NEDD9: variants seen among roughly 807,000 people sequenced by gnomAD.
NEDD9 encodes neural precursor cell expressed, developmentally down-regulated 9, also known as enhancer of filamentation 1.
A neutral mutation model predicts 76.6 loss-of-function variants in NEDD9; 26 were observed. The ratio of observed to expected loss-of-function variants is 0.34; its 90% confidence interval spans 0.25 to 0.47. NEDD9 has a LOEUF of 0.47. NEDD9 is among the 20% of genes least tolerant of loss of function. The pLI is 1.00. For synonymous variants in NEDD9, 392 were observed against 414.2 expected (o/e 0.95, Z 0.65); for missense variants, 937 against 1,058.5 (o/e 0.89, Z 1.59).
intron 1 of NEDD9, among the ~76,000 whole-genome samples, chr6:11,232,164 A>G (rs912426817): frequency 2.6e-5 from 4 of 152,288 alleles, no homozygotes; most frequent in East Asian, 3.9e-4. Context: ...GGGGAAGCCA[A>G]GGAGACTTGA....
chr6:11,319,014 G>A (rs1381508706), intron 2 of NEDD9, among the ~76,000 whole-genome samples: 2 of 152,214 alleles, frequency 1.3e-5, no homozygotes, highest in Admixed American at 6.5e-5. Context: ...GATTTATTGG[G>A]CCTTAGAGTT....
chr6:11,321,905 C>G (rs928216403), intron 2 of NEDD9, among the ~76,000 whole-genome samples: 7 of 152,114 alleles, frequency 4.6e-5, no homozygotes, highest in Non-Finnish European at 1.0e-4. Flanking sequence ...TCAAATGAAG[C>G]TGATGCAAGT....
At chr6:11,236,708 T>G (rs1759611128), upstream of NEDD9, among the ~76,000 whole-genome samples, 1 of 152,182 alleles carries the variant, frequency 6.6e-6, no homozygotes, top group Admixed American at 6.5e-5. The surrounding 1 kb of genome is among the most constrained non-coding windows in gnomAD (Gnocchi z 5.5). Context: ...AATGATTTCT[T>G]TTTAGTTTCT....
chr6:11,233,729 C>T (rs940052168), upstream of NEDD9, among the ~76,000 whole-genome samples: 14 of 152,204 alleles, frequency 9.2e-5, no homozygotes, highest in Admixed American at 8.5e-4. Context: ...CAGAAATGGT[C>T]ACCTTCTGCA....
intron 1 of NEDD9, among the ~76,000 whole-genome samples, chr6:11,369,464 A>T (rs148945196): frequency 2.0e-5 from 3 of 152,208 alleles, no homozygotes; most frequent in Non-Finnish European, 4.4e-5. Context: ...CATTTCTCCA[A>T]CCATTGCTCC....
intron 1 of NEDD9, among the ~76,000 whole-genome samples, chr6:11,358,269 A>G (rs1278772397): frequency 6.6e-6 from 1 of 150,758 alleles, no homozygotes; most frequent in East Asian, 1.9e-4. Flanking sequence ...AAAAAAAAAA[A>G]AAAAGCAATG....
At chr6:11,356,002 T>C (rs1365778836) in intron 1 of NEDD9, among the ~76,000 whole-genome samples, 1 of 152,196 alleles carries the variant, frequency 6.6e-6, no homozygotes, top group Non-Finnish European at 1.5e-5. Flanking sequence ...ATTGCAGGCG[T>C]GAGCCACCAT....
intron 2 of NEDD9, among the ~76,000 whole-genome samples, chr6:11,332,058 A>G (rs74661754): frequency 6.6e-6 from 1 of 152,236 alleles, no homozygotes; most frequent in Non-Finnish European, 1.5e-5. Context: ...CATGTCTTTC[A>G]TGAGCATTTA....
Position 11,370,081 on chromosome 6 carries a change from G to A in NEDD9, c.-214+12058C>T, listed in dbSNP as rs1762834559. Among the ~76,000 whole-genome samples, 1 of 152,180 alleles carries A rather than the reference G, an allele frequency of 6.6e-6. No individual in the cohort carries two copies. The highest frequency in any genetic ancestry group is 2.4e-5 in the African/African-American group (1 of 41,446). ...CTGGGTATTCAGGGAATATCATTAG[G>A]GATGTCAACTGAGGTATATAAAGAG... is the stretch of plus-strand genomic sequence containing the variant. On this transcript the variant is annotated intron_variant, in intron 1 of 3. Transcript: ENST00000397378. The surrounding 1 kb of genome is among the most constrained non-coding windows in gnomAD (Gnocchi z 4.2).
At position 11,185,098 on chromosome 6, in the gene NEDD9, C is replaced by A; in HGVS notation, c.*64G>T. On this transcript the variant is annotated 3_prime_UTR_variant, in exon 7 of 7. Coordinates refer to ENST00000379446, the MANE Select transcript of NEDD9 (RefSeq NM_006403.4). Reference sequence around the variant, plus strand: ...AAAAATAGATAACATTTACAAAAACCAGACAGTATTTCCAGTTTTCCTTAG... The same window carrying A: ...AAAAATAGATAACATTTACAAAAACAAGACAGTATTTCCAGTTTTCCTTAG... 6.7e-7 allele frequency: 1 copy of A among 1,488,030 alleles called. No homozygotes were observed. The highest frequency in any genetic ancestry group is 9.0e-7 in the Non-Finnish European group (1 of 1,108,602). 92.2% of individuals were successfully genotyped at this position (1,488,030 alleles called of 1,614,324 possible).
intron 1 of NEDD9, among the ~76,000 whole-genome samples, chr6:11,368,903 C>A (rs964772281): frequency 2.0e-5 from 3 of 152,164 alleles, no homozygotes; most frequent in Admixed American, 2.0e-4. Flanking sequence ...GTGTCAGATA[C>A]CACTTTAGGT....
intron 3 of NEDD9, among the ~76,000 whole-genome samples, chr6:11,284,092 A>G (rs1271329650): frequency 6.6e-6 from 1 of 152,190 alleles, no homozygotes; most frequent in African/African-American, 2.4e-5. Flanking sequence ...AGGGTTTTAG[A>G]CCTCAAGATA....
Position 11,304,221 on chromosome 6 carries a change from G to A in NEDD9, c.12+1771C>T, listed in dbSNP as rs114756138. On this transcript the variant is annotated intron_variant, in intron 3 of 3. Coordinates refer to the NEDD9 transcript ENST00000397378. ...ACATATGAAAAAATGCTCATCACTT[G>A]TCATCAGAGAAATGCATATCAAAAC... Among the ~76,000 whole-genome samples the A allele has an allele frequency of 1.4e-3, 211 of 152,196 alleles. 1 individual carries two copies. The highest frequency in any genetic ancestry group is 4.3e-3 in the African/African-American group (178 of 41,544).
At chr6:11,319,805 G>T (rs976233559) in intron 2 of NEDD9, among the ~76,000 whole-genome samples, 2 of 148,714 alleles carry the variant, frequency 1.3e-5, no homozygotes, top group Non-Finnish European at 3.0e-5. Flanking sequence ...CTCACACACT[G>T]GTGCACACTT....
At chr6:11,290,634 A>G (rs184462439) in intron 3 of NEDD9, among the ~76,000 whole-genome samples, 62 of 152,208 alleles carry the variant, frequency 4.1e-4, no homozygotes, top group African/African-American at 1.5e-3. Context: ...GCAGGAAACA[A>G]AGCTCCAGCT....
At chr6:11,300,310 GA>G (rs1211001319) in intron 3 of NEDD9, among the ~76,000 whole-genome samples, 2 of 151,802 alleles carry the variant, frequency 1.3e-5, no homozygotes, top group Non-Finnish European at 2.9e-5. Context: ...GAAGTTTAGA[GA>G]AAAAAAGAGT....
intron 3 of NEDD9, among the ~76,000 whole-genome samples, chr6:11,303,039 T>C (rs1412252488): frequency 6.6e-6 from 1 of 152,148 alleles, no homozygotes; most frequent in Non-Finnish European, 1.5e-5. Flanking sequence ...GAGAAAGAAA[T>C]AAAGGGTATT....
chr6:11,378,059 A>G (rs988434089), intron 1 of NEDD9, among the ~76,000 whole-genome samples: 1 of 152,192 alleles, frequency 6.6e-6, no homozygotes, highest in African/African-American at 2.4e-5. Flanking sequence ...CCTGGCCAAC[A>G]TGACAAAACT....
chr6:11,273,795 C>T (rs754737899), intron 3 of NEDD9, among the ~76,000 whole-genome samples: 42 of 152,230 alleles, frequency 2.8e-4, no homozygotes, highest in African/African-American at 9.6e-4. Flanking sequence ...TGTGTTCACC[C>T]GACAGCAAGT....
Sources: allele counts gnomAD v4.1 joint callset (sites outside exome capture counted in the v4.1 genomes callset), GRCh38; gene constraint gnomAD v4.1.1; non-coding constraint Gnocchi (gnomAD v3.1); transcripts MANE v1.5; gene names NCBI Gene and HGNC (gene_info 2026-07-23, HGNC 2026-07-21).